The following WBP2NL variants were observed in gnomAD, a reference collection of about 807,000 sequenced individuals.
WBP2NL encodes the protein postacrosomal sheath WW domain-binding protein.
A neutral mutation model predicts 23.3 loss-of-function variants in WBP2NL; 27 were observed. The ratio of observed to expected loss-of-function variants is 1.16; its 90% CI spans 0.85 to 1.60. WBP2NL has a LOEUF of 1.60. Among genes scored for constraint, WBP2NL ranks in the 40% most tolerant of loss-of-function variants. The pLI, the probability that WBP2NL is intolerant of heterozygous loss-of-function variation, is 0.00. For missense variants in WBP2NL, 370 were observed against 389.5 expected, an observed-to-expected ratio of 0.95 and a Z score of 0.42; for synonymous variants, 151 against 145.9, an observed-to-expected ratio of 1.03 and a Z score of -0.25.
intron 4 of WBP2NL, among the ~76,000 whole-genome samples, chr22:42,021,517 G>T (rs752312068): frequency 6.6e-6 from 1 of 152,156 alleles, no homozygotes; most frequent in Non-Finnish European, 1.5e-5. Flanking sequence ...TATTTAGGTG[G>T]CCTCTAAATG....
Position 42,019,999 on chromosome 22 carries a change from C to G in WBP2NL, c.314-5C>G. ...TTGGTGAGTGTGTGCCATTTCTTCC[C>G]CCAGGTGGCTGGGAAGGACAAGCTA... On this transcript the variant is annotated splice_region_variant and splice_polypyrimidine_tract_variant and intron_variant, in intron 3 of 5. Coordinates refer to ENST00000328823, the MANE Select transcript of WBP2NL (RefSeq NM_152613.3). 6.2e-7 allele frequency: 1 copy of G among 1,613,418 alleles called. No individual in the cohort carries two copies. Among genetic ancestry groups the G allele is most frequent in the Non-Finnish European group, 8.5e-7 (1 of 1,179,646 alleles).
At chr22:42,004,229 G>A (rs142962537) in intron 1 of WBP2NL, among the ~76,000 whole-genome samples, 7 of 152,136 alleles carry the variant, frequency 4.6e-5, no homozygotes, top group Admixed American at 1.3e-4. Flanking sequence ...CTGAGATCAC[G>A]TGACTGCACT....
At chr22:42,050,044 A>G (rs1925779604) in intron 8 of WBP2NL, among the ~76,000 whole-genome samples, 1 of 152,040 alleles carries the variant, frequency 6.6e-6, no homozygotes, top group East Asian at 1.9e-4. Context: ...TTTTATATCT[A>G]AAATTTACAG....
chr22:42,040,472 C>T (rs1376577924), intron 8 of WBP2NL, among the ~76,000 whole-genome samples: 1 of 152,206 alleles, frequency 6.6e-6, no homozygotes, highest in Non-Finnish European at 1.5e-5. Flanking sequence ...ATCTGCCTGC[C>T]TCGGCCTCCC....
intron 4 of WBP2NL, 110 bp from the exon 5 acceptor site, chr22:42,022,139 G>A: frequency 1.1e-6 from 1 of 893,590 alleles, no homozygotes; most frequent in South Asian, 1.4e-5. Flanking sequence ...AGCATTGTTG[G>A]AAACACATGT....
intron 1 of WBP2NL, among the ~76,000 whole-genome samples, chr22:42,012,689 G>A (rs1326837186): frequency 6.6e-6 from 1 of 151,776 alleles, no homozygotes; most frequent in Non-Finnish European, 1.5e-5. Context: ...AGAATTCTTG[G>A]TTAAGAGTTT....
At chr22:42,029,002 C>A (rs1924741012), downstream of WBP2NL, among the ~76,000 whole-genome samples, 1 of 152,216 alleles carries the variant, frequency 6.6e-6, no homozygotes, top group African/African-American at 2.4e-5. Context: ...CAGTACCATC[C>A]CTGCTGAGGA....
At chr22:42,017,258 G>C (rs1923387311) in intron 1 of WBP2NL, among the ~76,000 whole-genome samples, 1 of 152,126 alleles carries the variant, frequency 6.6e-6, no homozygotes, top group African/African-American at 2.4e-5. Context: ...TGAGATTACA[G>C]GCATGTACCA....
At chr22:42,001,533 C>T (rs1387631210) in intron 1 of WBP2NL, 2 of 1,068,068 alleles carry the variant, frequency 1.9e-6, no homozygotes, top group African/African-American at 1.6e-5. Flanking sequence ...CCAGCTTTGC[C>T]CACATCAGCT....
At position 42,022,242 on chromosome 22, in the gene WBP2NL, T is replaced by C. The variant is rs766542017; in HGVS notation, c.407-7T>C. 14 of 1,614,164 alleles carry C rather than the reference T, an allele frequency of 8.7e-6. No homozygotes were observed. Among genetic ancestry groups the C allele is most frequent in the Non-Finnish European group, 1.2e-5 (14 of 1,179,978 alleles). On this transcript the variant is annotated splice_polypyrimidine_tract_variant and splice_region_variant and intron_variant, in intron 4 of 5. Transcript: ENST00000328823. The stretch of plus-strand genomic sequence containing the variant: ...GAGTTCCTATTTTGCCAAATTTGTC[T>C]TTCCAGCTGCCCGAGGATTTCCACT...
intron 4 of WBP2NL, 80 bp from the exon 5 acceptor site, chr22:42,022,169 C>CT (rs1851937413): frequency 8.8e-7 from 1 of 1,132,418 alleles, no homozygotes; most frequent in East Asian, 2.4e-5. Flanking sequence ...ATTAAATACT[C>CT]TGTTAATTGT....
chr22:42,011,074 G>C (rs1922767967), intron 1 of WBP2NL, among the ~76,000 whole-genome samples: 1 of 152,138 alleles, frequency 6.6e-6, no homozygotes, highest in Non-Finnish European at 1.5e-5. Context: ...ATTCATCAGA[G>C]ATACTGACCT....
intron 1 of WBP2NL, among the ~76,000 whole-genome samples, chr22:42,011,355 G>A (rs1922798809): frequency 6.6e-6 from 1 of 152,084 alleles, no homozygotes. Flanking sequence ...CGAGGCTCAA[G>A]TGATCCTCCC....
chr22:42,016,968 C>T (rs535181052), intron 1 of WBP2NL, among the ~76,000 whole-genome samples: 2 of 152,300 alleles, frequency 1.3e-5, no homozygotes, highest in East Asian at 3.9e-4. Context: ...TTCTCCTAAC[C>T]TCACTTCCAC....
chr22:42,006,756 G>A (rs1237626941), intron 1 of WBP2NL, among the ~76,000 whole-genome samples: 3 of 152,106 alleles, frequency 2.0e-5, no homozygotes, highest in African/African-American at 7.2e-5. Context: ...TGAACTGTTC[G>A]GAGTTCCCAT....
chr22:42,045,192 A>C (rs1046690840), intron 8 of WBP2NL, among the ~76,000 whole-genome samples: 2 of 152,144 alleles, frequency 1.3e-5, no homozygotes, highest in African/African-American at 4.8e-5. Flanking sequence ...TAATCCCAGC[A>C]CTTTGGGAGT....
At chr22:42,020,881 TATATATATATATATATATATATATATA>T (rs1569449967) in intron 4 of WBP2NL, among the ~76,000 whole-genome samples, 7 of 28,320 alleles carry the variant, frequency 2.5e-4, no homozygotes, top group African/African-American at 3.8e-4. Context: ...TATATATATA[TATATATATATATATATATATATATATA>T]TTTTTTTTTT....
At chr22:42,048,396 AAAG>A (rs1437617625) in intron 8 of WBP2NL, among the ~76,000 whole-genome samples, 9 of 151,724 alleles carry the variant, frequency 5.9e-5, no homozygotes, top group African/African-American at 9.7e-5. Context: ...CAAAAAAAAA[AAAG>A]AAGAAAAATA....
At chr22:42,015,086 G>A (rs928477353) in intron 1 of WBP2NL, among the ~76,000 whole-genome samples, 4 of 152,158 alleles carry the variant, frequency 2.6e-5, no homozygotes, top group Non-Finnish European at 4.4e-5. Context: ...ATATTTTAAT[G>A]TAGTAACTCT....
Sources: allele counts gnomAD v4.1 joint callset (sites outside exome capture counted in the v4.1 genomes callset), GRCh38; gene constraint gnomAD v4.1.1; transcripts MANE v1.5; gene names NCBI Gene and HGNC (gene_info 2026-07-23, HGNC 2026-07-21).